USPL1: variants seen among roughly 807,000 people sequenced by gnomAD.
The protein encoded by USPL1 is SUMO-specific isopeptidase USPL1.
In USPL1, 27 loss-of-function variants were observed where a neutral mutation model predicts 51.5. The observed-to-expected ratio is 0.52, with a 90% CI of 0.39 to 0.72. USPL1 has a LOEUF of 0.72. Among genes scored for constraint, USPL1 ranks in the 30% least tolerant of loss-of-function variants. USPL1 has a pLI of 0.00. For synonymous variants in USPL1, 451 were observed against 459.6 expected (o/e 0.98, Z 0.24); for missense variants, 1,226 against 1,268.0 (o/e 0.97, Z 0.50).
chr13:30,625,247 A>T (rs553803522), intron 3 of USPL1, among the ~76,000 whole-genome samples: 3 of 152,236 alleles, frequency 2.0e-5, no homozygotes, highest in African/African-American at 7.2e-5. Context: ...GGAATCAAGG[A>T]TAGTTCCAAG....
chr13:30,625,416 T>C (rs1593361102), intron 3 of USPL1, among the ~76,000 whole-genome samples: 1 of 151,738 alleles, frequency 6.6e-6, no homozygotes, highest in Non-Finnish European at 1.5e-5. Flanking sequence ...ATGTACTACA[T>C]AGATTTTTAG....
chr13:30,650,354 A>G (rs372132487), intron 7 of USPL1, among the ~76,000 whole-genome samples: 1 of 151,692 alleles, frequency 6.6e-6, no homozygotes, highest in East Asian at 2.0e-4. Flanking sequence ...AAGCGGACAG[A>G]TCACCTGAGA....
intron 5 of USPL1, among the ~76,000 whole-genome samples, chr13:30,639,244 A>G (rs6416345): frequency 0.46 from 68,688 of 148,028 alleles, 17,303 homozygotes; most frequent in African/African-American, 0.66. Context: ...ATATATATAT[A>G]TGTGTGTATG....
intron 5 of USPL1, among the ~76,000 whole-genome samples, chr13:30,639,011 A>G (rs1950911164): frequency 6.6e-6 from 1 of 151,434 alleles, no homozygotes; most frequent in Non-Finnish European, 1.5e-5. Context: ...AGGTCAAGAG[A>G]TTGAGACCAT....
rs1341386592 is a variant in USPL1, at chr13:30,660,036, G to T, written c.*680G>T. 2.0e-5 allele frequency: 3 copies of T among 152,318 alleles called. No individual in the cohort carries two copies. Among genetic ancestry groups the T allele is most frequent in the Non-Finnish European group, 2.9e-5 (2 of 68,154 alleles). 9.4% of individuals were successfully genotyped at this position (152,318 alleles called of 1,614,324 possible). A position where few individuals can be genotyped will look rare whatever the true frequency, so the allele number is the denominator to read the frequency against. The stretch of plus-strand genomic sequence containing the variant: ...AGAGGTCCTGCTGCTCTCAGACGGG[G>T]CCCTGGAGAGGATAGCTTCTATCCA... On this transcript the variant is annotated 3_prime_UTR_variant, in exon 9 of 9. Coordinates refer to ENST00000255304, the MANE Select transcript of USPL1 (RefSeq NM_005800.5).
At chr13:30,637,596 C>T (rs1171207355) in intron 4 of USPL1, 148 bp from the exon 5 acceptor site, 3 of 614,526 alleles carry the variant, frequency 4.9e-6, no homozygotes, top group Non-Finnish European at 8.5e-6. Flanking sequence ...TGGTATACCA[C>T]AGAGAAAGAA....
intron 1 of USPL1, among the ~76,000 whole-genome samples, chr13:30,620,477 C>T (rs1950632735): frequency 6.6e-6 from 1 of 152,112 alleles, no homozygotes; most frequent in African/African-American, 2.4e-5. Context: ...GTAATTTGTA[C>T]TAGGACAGTG....
intron 3 of USPL1, among the ~76,000 whole-genome samples, chr13:30,628,043 A>ATTTTTTTT (rs202119827): frequency 3.8e-4 from 48 of 126,994 alleles, no homozygotes; most frequent in East Asian, 1.2e-3. Context: ...TGCCTGGCTA[A>ATTTTTTTT]TTTTTTTTTT....
At chr13:30,651,120 A>G (rs772180411) in intron 7 of USPL1, among the ~76,000 whole-genome samples, 2 of 152,162 alleles carry the variant, frequency 1.3e-5, no homozygotes, top group Non-Finnish European at 2.9e-5. Context: ...TCTGTTCTGC[A>G]TCGTTTCACT....
In USPL1 at chr13:30,660,520, A is replaced by G. The variant is rs1951245618; in HGVS notation, c.*1164A>G. On this transcript the variant is annotated 3_prime_UTR_variant, in exon 9 of 9. Coordinates refer to ENST00000255304, the MANE Select transcript of USPL1 (RefSeq NM_005800.5). ...AGCACCTGCCACCATCATTAGTTCAAGAGTTTATGCAGATTTAAGTTGTAT... is the reference window on the plus strand; with the variant it reads ...AGCACCTGCCACCATCATTAGTTCAGGAGTTTATGCAGATTTAAGTTGTAT... 6.6e-6 allele frequency: 1 copy of G among 152,246 alleles called. No homozygotes were observed. Among genetic ancestry groups the G allele is most frequent in the Non-Finnish European group, 1.5e-5 (1 of 68,046 alleles). The allele number at this position is 152,246 out of a possible 1,614,324, so 9.4% of individuals were successfully genotyped here.
Position 30,658,244 on chromosome 13 carries a change from T to C in USPL1, c.2167T>C (p.Ser723Pro), listed in dbSNP as rs2137732329. The change falls in exon 9 of 9, where the codon TCT (serine) becomes CCT (proline). Residue 723 changes from serine (S) to proline (P), a missense_variant. Physicochemically the swap from Ser to Pro is moderately conservative, Grantham distance 74. Transcript: ENST00000255304. The part of the protein sequence containing the change: ...LKPERVTSQV[S>P]NLKKKETTAD... ...ACCAGAACGTGTCACATCTCAGGTA[T>C]CTAATTTGAAGAAAAAAGAAACTAC... The C allele has an allele frequency of 1.2e-6, 2 of 1,612,548 alleles. No individual in the cohort carries two copies. Among genetic ancestry groups the C allele is most frequent in the East Asian group, 2.2e-5 (1 of 44,870 alleles).
Position 30,658,943 on chromosome 13 carries a change from A to G in USPL1, c.2866A>G (p.Thr956Ala), listed in dbSNP as rs116804768. 3.0e-4 allele frequency: 486 copies of G among 1,614,214 alleles called. 1 individual carries two copies. In the African/African-American group the frequency reaches 5.7e-3, roughly 19 times the overall value. ...IDIASESACT[T>A]VPGVSLYSSQ... ...TATTGCCAGTGAGTCTGCATGCACC[A>G]CTGTTCCTGGTGTTTCCCTGTACAG... Residue 956 changes from threonine (T) to alanine (A), a missense_variant, in exon 9 of 9, where the codon ACT becomes GCT. By Grantham distance (58) the Thr-to-Ala change is moderately conservative (BLOSUM62 0). Coordinates refer to ENST00000255304, the MANE Select transcript of USPL1 (RefSeq NM_005800.5).
chr13:30,623,758 A>G (rs780626152), intron 3 of USPL1, among the ~76,000 whole-genome samples: 1 of 152,146 alleles, frequency 6.6e-6, no homozygotes, highest in East Asian at 1.9e-4. Flanking sequence ...CCTCCAGGAA[A>G]GGAGTGGAGG....
rs1951139846 is a variant in USPL1, at chr13:30,654,866, A to T, written c.1396+1561A>T. Among the ~76,000 whole-genome samples, 7 of 151,686 alleles carry T rather than the reference A, an allele frequency of 4.6e-5. No homozygotes were observed. The South Asian group carries it at 1.5e-3, about 32-fold the overall frequency. On this transcript the variant is annotated intron_variant, in intron 8 of 8. Coordinates refer to ENST00000255304, the MANE Select transcript of USPL1 (RefSeq NM_005800.5). ...CTTTTTAATTCATTTATTCATTCAT[A>T]TGTCTGTTATGTGACTAATGCTCTC...
chr13:30,621,162 G>A lies in USPL1; in HGVS notation c.22G>A (p.Gly8Arg). The part of the protein sequence containing the change: MMDSPKI[G>R]NGLPVIGPGT... The stretch of plus-strand genomic sequence containing the variant: ...CGGAATGATGGATTCTCCGAAGATT[G>A]GAAATGGTTTGCCAGTGATTGGACC... Residue 8 changes from glycine to arginine, a missense_variant, in exon 2 of 9, where the codon GGA (glycine) becomes AGA (arginine). By Grantham distance (125) the Gly-to-Arg change is moderately radical. Coordinates refer to ENST00000255304, the MANE Select transcript of USPL1 (RefSeq NM_005800.5). The A allele has an allele frequency of 6.2e-7, 1 of 1,606,460 alleles. No individual in the cohort carries two copies.
intron 7 of USPL1, among the ~76,000 whole-genome samples, chr13:30,649,242 A>G (rs952356425): frequency 6.6e-6 from 1 of 152,178 alleles, no homozygotes; most frequent in Non-Finnish European, 1.5e-5. Flanking sequence ...ATGAAGTTTC[A>G]CTTAAATTTT....
In USPL1 at chr13:30,653,221, T is replaced by C; in HGVS notation, c.1312T>C (p.Phe438Leu). The change falls in exon 8 of 9, where the codon TTT becomes CTT. Residue 438 changes from phenylalanine to leucine, a missense_variant. By Grantham distance (22) the Phe-to-Leu change is conservative (BLOSUM62 0). Coordinates refer to ENST00000255304, the MANE Select transcript of USPL1 (RefSeq NM_005800.5). Reference protein sequence around the residue: ...QNDLQHYAFHFEGCLYQITSV... With the variant: ...QNDLQHYAFHLEGCLYQITSV... ...TGACTTGCAGCACTATGCATTTCAT[T>C]TTGAAGGCTGTCTTTATCAGATAAC... 1.2e-6 allele frequency: 2 copies of C among 1,613,378 alleles called. No individual in the cohort carries two copies. The highest frequency in any genetic ancestry group is 1.7e-6 in the Non-Finnish European group (2 of 1,179,490).
At chr13:30,647,916 C>A (rs1415912580) in intron 7 of USPL1, among the ~76,000 whole-genome samples, 2 of 152,180 alleles carry the variant, frequency 1.3e-5, no homozygotes, top group African/African-American at 4.8e-5. Context: ...TTCCCTCCTC[C>A]AGGTATCTAC....
At chr13:30,649,689 T>C (rs1434805887) in intron 7 of USPL1, among the ~76,000 whole-genome samples, 1 of 152,248 alleles carries the variant, frequency 6.6e-6, no homozygotes, top group Non-Finnish European at 1.5e-5. Context: ...AGGCTATGGC[T>C]ATGCTTTGTA....
Sources: allele counts gnomAD v4.1 joint callset (sites outside exome capture counted in the v4.1 genomes callset), GRCh38; gene constraint gnomAD v4.1.1; transcripts MANE v1.5; gene names NCBI Gene and HGNC (gene_info 2026-07-23, HGNC 2026-07-21).